Variants in SMG1 observed in about 807,000 individuals in gnomAD.
SMG1 encodes serine/threonine-protein kinase SMG1.
SMG1 carries 22 observed loss-of-function variants against 419.9 expected under a neutral mutation model. The observed-to-expected ratio is 0.05, with a 90% CI of 0.04 to 0.07. The LOEUF (loss-of-function observed/expected upper bound fraction) is 0.07, where lower values mean the gene tolerates loss of function less well. Among genes scored for constraint, SMG1 ranks in the 10% least tolerant of loss-of-function variants. SMG1 has a pLI of 1.00. For synonymous variants in SMG1, 1,538 were observed against 1,553.5 expected (o/e 0.99, Z 0.23); for missense variants, 3,185 against 4,342.0 (o/e 0.73, Z 7.49).
intron 29 of SMG1, chr16:18,857,963 C>CA (rs2035005187): frequency 2.9e-6 from 1 of 345,520 alleles, no homozygotes; most frequent in Non-Finnish European, 5.4e-6. Context: ...TAACTGCTGA[C>CA]AGGGGCAAAT....
intron 13 of SMG1, among the ~76,000 whole-genome samples, chr16:18,872,917 G>A (rs1567404836): frequency 6.6e-6 from 1 of 152,028 alleles, no homozygotes; most frequent in African/African-American, 2.4e-5. Flanking sequence ...ACTTTGGGAG[G>A]GTAAGGTGGG....
Position 18,926,222 on chromosome 16 carries a change from T to G in SMG1, c.-181A>C. On this transcript the variant is annotated 5_prime_UTR_variant, in exon 1 of 63. Transcript: ENST00000446231. ...GGAGGGCGGGGGAAGAGGACGGCCG[T>G]TCCGGGTTCCGCCTGAGCCCGCAGC... 23 of 570,242 alleles carry G rather than the reference T, an allele frequency of 4.0e-5. No individual in the cohort carries two copies. The highest frequency in any genetic ancestry group is 7.1e-5 in the Admixed American group (2 of 28,154). 35.3% of individuals were successfully genotyped at this position (570,242 alleles called of 1,614,324 possible).
At chr16:18,841,507 A>C (rs2033924983) in intron 41 of SMG1, 58 bp downstream of exon 41, 6 of 1,519,864 alleles carry the variant, frequency 3.9e-6, no homozygotes, top group Non-Finnish European at 3.6e-6. Flanking sequence ...TAAGTCTACA[A>C]GTATTTCACA....
intron 1 of SMG1, chr16:18,925,725 T>C: frequency 5.6e-6 from 1 of 177,420 alleles, no homozygotes; most frequent in Non-Finnish European, 1.1e-5. Context: ...GAGCCCCGGG[T>C]CTCGGCTCCA....
intron 1 of SMG1, among the ~76,000 whole-genome samples, chr16:18,914,989 C>T (rs957213679): frequency 6.8e-6 from 1 of 146,764 alleles, no homozygotes. Flanking sequence ...CTCTTGTTGC[C>T]CAGGCTGGAG....
At chr16:18,897,307 G>A (rs1342045138) in intron 1 of SMG1, among the ~76,000 whole-genome samples, 2 of 152,158 alleles carry the variant, frequency 1.3e-5, no homozygotes, top group Admixed American at 6.5e-5. Flanking sequence ...CTCCTCACAT[G>A]ACTTGATAAT....
intron 5 of SMG1, among the ~76,000 whole-genome samples, chr16:18,890,398 G>A (rs1209925464): frequency 6.6e-6 from 1 of 152,188 alleles, no homozygotes; most frequent in Non-Finnish European, 1.5e-5. Context: ...AACACTTTGG[G>A]AGGCTAAGGT....
chr16:18,832,217 G>A (rs945735036), intron 51 of SMG1, among the ~76,000 whole-genome samples: 1 of 151,784 alleles, frequency 6.6e-6, no homozygotes, highest in Non-Finnish European at 1.5e-5. Flanking sequence ...ACATTGGAAC[G>A]CCAAAGAAAA....
Position 18,837,349 on chromosome 16 carries a change from G to A in SMG1, c.7508C>T (p.Thr2503Ile). The part of the protein sequence containing the change: ...DEYLSLQEQL[T>I]DVEKLQGKLL... Reference sequence around the variant, plus strand: ...TTTGCCCTGCAGTTTTTCCACATCTGTCAGTTGCTCTTGCAAGCTTAGGTA... The same window carrying A: ...TTTGCCCTGCAGTTTTTCCACATCTATCAGTTGCTCTTGCAAGCTTAGGTA... The change falls in exon 46 of 63, where the codon ACA (threonine) becomes ATA (isoleucine). Residue 2503 changes from threonine to isoleucine, a missense_variant. Around this residue, in one of 27 missense-constraint regions of SMG1, gnomAD observed 412 missense variants for 546.6 expected, o/e 0.75. Transcript: ENST00000446231. 1 of 1,613,944 alleles carries A rather than the reference G, an allele frequency of 6.2e-7. No individual in the cohort carries two copies. The highest frequency in any genetic ancestry group is 8.5e-7 in the Non-Finnish European group (1 of 1,179,864).
intron 1 of SMG1, among the ~76,000 whole-genome samples, chr16:18,899,681 C>T (rs993058212): frequency 3.3e-5 from 5 of 151,932 alleles, no homozygotes; most frequent in African/African-American, 1.2e-4. Context: ...CAATCAAAGC[C>T]ACAAAATAGA....
intron 15 of SMG1, among the ~76,000 whole-genome samples, chr16:18,871,844 CAGG>C (rs2141607095): frequency 6.6e-6 from 1 of 151,208 alleles, no homozygotes; most frequent in South Asian, 2.1e-4. Flanking sequence ...GAGGCTGAGG[CAGG>C]AGAATTGCTT....
chr16:18,897,025 T>G (rs1243840230), intron 1 of SMG1, 69 bp from the exon 2 acceptor site: 1 of 1,118,652 alleles, frequency 8.9e-7, no homozygotes, highest in Non-Finnish European at 1.3e-6. Context: ...TATACAAGCC[T>G]CTCTTCTCCC....
intron 41 of SMG1, among the ~76,000 whole-genome samples, chr16:18,840,309 A>T (rs888798694): frequency 3.3e-5 from 5 of 152,228 alleles, no homozygotes; most frequent in African/African-American, 1.2e-4. Flanking sequence ...CACACAACTT[A>T]ATCGTTAATA....
At chr16:18,884,569 T>C (rs2036540499) in intron 8 of SMG1, among the ~76,000 whole-genome samples, 2 of 152,198 alleles carry the variant, frequency 1.3e-5, no homozygotes, top group Admixed American at 1.3e-4. Context: ...ATCACCTGAA[T>C]ATCCTATTTT....
intron 38 of SMG1, among the ~76,000 whole-genome samples, chr16:18,846,276 C>T (rs1388502974): frequency 6.6e-6 from 1 of 152,126 alleles, no homozygotes; most frequent in Non-Finnish European, 1.5e-5. Context: ...AACTACAAAA[C>T]TCTTAGAAGA....
chr16:18,863,677 T>C lies in SMG1; in HGVS notation c.3668A>G (p.Asn1223Ser), dbSNP rs1567386822. 4 of 1,595,258 alleles carry C rather than the reference T, an allele frequency of 2.5e-6. No homozygotes were observed. The highest frequency in any genetic ancestry group is 3.3e-5 in the Admixed American group (2 of 59,992). The change falls in exon 25 of 63, where the codon AAC becomes AGC. Residue 1223 changes from asparagine to serine, a missense_variant. Asn to Ser is a conservative substitution (Grantham distance 46). Transcript: ENST00000446231. ...LKKSTSSTSL[N>S]LKADFNYIKS... ...TATATAGTTGAAGTCAGCTTTCAGG[T>C]TGAGGGAAGTGCTACTGGTACTCTT... is the stretch of plus-strand genomic sequence containing the variant.
intron 1 of SMG1, among the ~76,000 whole-genome samples, chr16:18,918,696 C>T (rs1311422287): frequency 7.4e-6 from 1 of 134,612 alleles, no homozygotes; most frequent in Non-Finnish European, 1.7e-5. Flanking sequence ...TTACAGGCAC[C>T]CACCACTGCA....
intron 22 of SMG1, among the ~76,000 whole-genome samples, chr16:18,867,024 A>G (rs1049457903): frequency 3.9e-5 from 6 of 152,232 alleles, no homozygotes; most frequent in African/African-American, 1.2e-4. Flanking sequence ...CAAACATTCA[A>G]CCTGTGACCT....
chr16:18,847,429 C>G (rs770353464), intron 38 of SMG1, 24 bp downstream of exon 38: 1 of 1,610,478 alleles, frequency 6.2e-7, no homozygotes, highest in South Asian at 1.1e-5. Context: ...TTCACTGTCT[C>G]AGGACAAGTG....
Sources: allele counts gnomAD v4.1 joint callset (sites outside exome capture counted in the v4.1 genomes callset), GRCh38; gene constraint gnomAD v4.1.1; regional missense constraint gnomAD v4.1.1; transcripts MANE v1.5; gene names NCBI Gene and HGNC (gene_info 2026-07-23, HGNC 2026-07-21).